FAAH2: variants seen among roughly 807,000 people sequenced by gnomAD.
FAAH2 encodes fatty-acid amide hydrolase 2.
A neutral mutation model predicts 36.9 loss-of-function variants in FAAH2; 60 were observed. That is an observed-to-expected ratio of 1.63 (90% CI 1.32 to 2.02). The LOEUF is 2.02. Among genes scored for constraint, FAAH2 ranks in the 30% most tolerant of loss-of-function variants. FAAH2 has a pLI of 0.00. For missense variants in FAAH2, 689 were observed against 397.5 expected, an observed-to-expected ratio of 1.73 and a Z score of -6.23; for synonymous variants, 214 against 143.8, an observed-to-expected ratio of 1.49 and a Z score of -3.49.
chrX:57,163,615 C>A, the FAAH2 span, among the ~76,000 whole-genome samples: 4 of 111,967 alleles, frequency 3.6e-5, no homozygotes, highest in African/African-American at 1.3e-4. Context: ...GTGGGAGTGA[C>A]CCGATTTTCC....
chrX:57,375,595 C>T (rs930259475), intron 5 of FAAH2, among the ~76,000 whole-genome samples: 4 of 110,374 alleles, frequency 3.6e-5, no homozygotes, highest in Admixed American at 9.7e-5. Flanking sequence ...TCTAATTGAG[C>T]TTCTTTTCTC....
the FAAH2 span, among the ~76,000 whole-genome samples, chrX:57,276,922 G>A: frequency 9.0e-6 from 1 of 111,456 alleles, no homozygotes; most frequent in African/African-American, 3.3e-5. Flanking sequence ...CTGAAACTGA[G>A]GCAATAATTA....
intron 10 of FAAH2, among the ~76,000 whole-genome samples, chrX:57,479,317 GTGATTTTTGTACGT>G (rs1262116729): frequency 8.9e-6 from 1 of 111,940 alleles, no homozygotes; most frequent in Non-Finnish European, 1.9e-5. Context: ...AAGAATGCTT[GTGATTTTTGTACGT>G]TGATTTTTGT....
At chrX:57,473,161 C>G (rs921532426) in intron 10 of FAAH2, among the ~76,000 whole-genome samples, 1 of 111,044 alleles carries the variant, frequency 9.0e-6, no homozygotes, top group Non-Finnish European at 1.9e-5. Context: ...TTCATGTAGG[C>G]ATTTAATGCT....
chrX:57,458,512 T>G (rs2056901103), intron 10 of FAAH2, among the ~76,000 whole-genome samples: 1 of 110,753 alleles, frequency 9.0e-6, no homozygotes. Context: ...AAAAAAATCC[T>G]AGAAGAAAAC....
At chrX:57,303,498 T>G (rs770117305) in intron 2 of FAAH2, among the ~76,000 whole-genome samples, 5 of 112,277 alleles carry the variant, frequency 4.5e-5, no homozygotes, top group African/African-American at 9.7e-5. Flanking sequence ...TAGCCACCAT[T>G]TACTGAGTGG....
At chrX:57,440,360 A>T (rs1431587271) in intron 8 of FAAH2, among the ~76,000 whole-genome samples, 1 of 110,901 alleles carries the variant, frequency 9.0e-6, no homozygotes, top group Admixed American at 9.6e-5. Flanking sequence ...TCTCTTTGAA[A>T]CAATTGTAAA....
chrX:57,294,822 G>T (rs1011504220), intron 2 of FAAH2, among the ~76,000 whole-genome samples: 31 of 111,400 alleles, frequency 2.8e-4, no homozygotes, highest in Admixed American at 2.8e-3. Flanking sequence ...AGCTCCCAGA[G>T]CACATTGTGC....
At chrX:57,466,455 T>TATAA (rs2057053018) in intron 10 of FAAH2, among the ~76,000 whole-genome samples, 1 of 68,859 alleles carries the variant, frequency 1.5e-5, no homozygotes, top group Non-Finnish European at 2.8e-5. Context: ...TATATATATA[T>TATAA]AACAAAAGTA....
At chrX:57,477,596 C>T (rs1012647649) in intron 10 of FAAH2, among the ~76,000 whole-genome samples, 11 of 110,075 alleles carry the variant, frequency 1.0e-4, no homozygotes, top group Non-Finnish European at 1.1e-4. Context: ...CCCATTAACT[C>T]GTCATTTGCA....
the FAAH2 span, chrX:57,135,439 T>C: frequency 5.1e-6 from 1 of 194,835 alleles, no homozygotes; most frequent in Non-Finnish European, 9.2e-6. Flanking sequence ...AGTCACCTCC[T>C]CCTCTCTCCC....
the FAAH2 span, among the ~76,000 whole-genome samples, chrX:57,280,785 T>C: frequency 8.9e-6 from 1 of 112,279 alleles, no homozygotes; most frequent in African/African-American, 3.2e-5. Context: ...CTTTATTCAA[T>C]AATAACCAAA....
the FAAH2 span, among the ~76,000 whole-genome samples, chrX:57,219,947 A>T: frequency 8.1e-5 from 8 of 99,224 alleles, no homozygotes; most frequent in Non-Finnish European, 1.6e-4. Flanking sequence ...CCGCAAATGG[A>T]ACATTCAACT....
chrX:57,180,718 G>C, the FAAH2 span, among the ~76,000 whole-genome samples: 1 of 111,309 alleles, frequency 9.0e-6, no homozygotes, highest in South Asian at 3.8e-4. Context: ...AGAAGAGCTG[G>C]TACCATTTCT....
At chrX:57,358,571 G>A (rs752467717) in intron 5 of FAAH2, among the ~76,000 whole-genome samples, 13 of 111,099 alleles carry the variant, frequency 1.2e-4, no homozygotes, top group South Asian at 7.5e-4. Flanking sequence ...GTGTGTGTGT[G>A]TATATATATA....
At chrX:57,324,323 G>T (rs1212829125) in intron 3 of FAAH2, among the ~76,000 whole-genome samples, 1 of 111,844 alleles carries the variant, frequency 8.9e-6, no homozygotes, top group South Asian at 3.7e-4. Context: ...GGCAATGCGG[G>T]CTCTTTTTTG....
At chrX:57,353,377 G>T (rs2054075688) in intron 5 of FAAH2, among the ~76,000 whole-genome samples, 1 of 106,552 alleles carries the variant, frequency 9.4e-6, no homozygotes, top group African/African-American at 3.4e-5. Context: ...ATGGTGCTGG[G>T]AAAATTGGAT....
the FAAH2 span, among the ~76,000 whole-genome samples, chrX:57,195,700 T>G: frequency 8.9e-6 from 1 of 112,342 alleles, no homozygotes; most frequent in African/African-American, 3.2e-5. Flanking sequence ...AGAAAAGGTT[T>G]TCTGATGTTA....
chrX:57,357,730 T>A (rs751342876), intron 5 of FAAH2, among the ~76,000 whole-genome samples: 2 of 111,721 alleles, frequency 1.8e-5, no homozygotes, highest in African/African-American at 3.2e-5. Flanking sequence ...GCTTTTACAC[T>A]GTTGGTTAGA....
Sources: allele counts gnomAD v4.1 joint callset (sites outside exome capture counted in the v4.1 genomes callset), GRCh38; gene constraint gnomAD v4.1.1; transcripts MANE v1.5; gene names NCBI Gene and HGNC (gene_info 2026-07-23, HGNC 2026-07-21).